Variants in ASH1L observed in about 807,000 individuals in gnomAD.
ASH1L encodes the protein histone-lysine N-methyltransferase ASH1L.
ASH1L carries 23 observed loss-of-function variants against 269.0 expected under a neutral mutation model. That is an observed-to-expected ratio of 0.09 (90% CI 0.06 to 0.12). The LOEUF (loss-of-function observed/expected upper bound fraction) is 0.12. ASH1L is among the 10% of genes least tolerant of loss of function. The probability of loss-of-function intolerance (pLI) is 1.00; values close to 1 mark genes in which losing one functional copy is unlikely to be tolerated. For synonymous variants in ASH1L, 1,187 were observed against 1,253.5 expected, an observed-to-expected ratio of 0.95 and a Z score of 1.12; for missense variants, 2,912 against 3,567.8, an observed-to-expected ratio of 0.82 and a Z score of 4.68.
At chr1:155,488,592 C>G (rs1359804244) in intron 2 of ASH1L, among the ~76,000 whole-genome samples, 1 of 143,882 alleles carries the variant, frequency 7.0e-6, no homozygotes, top group African/African-American at 2.6e-5. Flanking sequence ...TCACTTGAAC[C>G]CAGGAGGCGG....
At position 155,394,988 on chromosome 1, in the gene ASH1L, T is replaced by G. The variant is rs931888990; in HGVS notation, c.6103+471A>C. Among the ~76,000 whole-genome samples, 3 of 152,126 alleles carry G rather than the reference T, an allele frequency of 2.0e-5. No homozygotes were observed. The East Asian group carries it at 5.8e-4, about 29-fold the overall frequency. On this transcript the variant is annotated intron_variant, in intron 7 of 27. Transcript: ENST00000392403. ...TTCTCTCTGTCAACTCAGGCTAGAG[T>G]GCAGTGGAAGGATCATGACTACACC...
At chr1:155,462,419 T>C (rs2148679125) in intron 3 of ASH1L, among the ~76,000 whole-genome samples, 2 of 152,334 alleles carry the variant, frequency 1.3e-5, no homozygotes, top group South Asian at 4.1e-4. Context: ...ATAATCAGGA[T>C]ATCCTGAGAA....
At chr1:155,373,160 C>T in intron 10 of ASH1L, among the ~76,000 whole-genome samples, 1 of 151,036 alleles carries the variant, frequency 6.6e-6, no homozygotes, top group East Asian at 1.9e-4. Context: ...TTGCCGTGAG[C>T]TGAGATTGCA....
At chr1:155,375,252 A>G (rs5005770) in intron 10 of ASH1L, among the ~76,000 whole-genome samples, 39,699 of 152,152 alleles carry the variant, frequency 0.26, 5,961 homozygotes, top group East Asian at 0.72. Context: ...GGGAACAATC[A>G]TTCAGAGGTT....
chr1:155,418,361 T>C (rs1660385400), intron 5 of ASH1L, among the ~76,000 whole-genome samples: 1 of 151,988 alleles, frequency 6.6e-6, no homozygotes, highest in Non-Finnish European at 1.5e-5. Flanking sequence ...ATACGAAATC[T>C]GAAATGAAAA....
Position 155,352,711 on chromosome 1 carries a change from T to G in ASH1L, c.7361A>C (p.Tyr2454Ser). The G allele has an allele frequency of 6.2e-7, 1 of 1,601,248 alleles. No homozygotes were observed. The highest frequency in any genetic ancestry group is 1.1e-5 in the South Asian group (1 of 88,318). Residue 2454 changes from tyrosine to serine, a missense_variant, in exon 17 of 28, where the codon TAT (tyrosine) becomes TCT (serine). Physicochemically the swap from Tyr to Ser is moderately radical, Grantham distance 144. Coordinates refer to ENST00000392403, the MANE Select transcript of ASH1L (RefSeq NM_018489.3). ...FKEICDGIIS[Y>S]KDSSRQALAA... ...TTGAAGGTGGTTATAGTCACCTTTATAAGAGATGATACCATCACAAATTTC... is the reference window on the plus strand; with the variant it reads ...TTGAAGGTGGTTATAGTCACCTTTAGAAGAGATGATACCATCACAAATTTC...
intron 2 of ASH1L, among the ~76,000 whole-genome samples, chr1:155,490,633 C>CACACACACACAA (rs1666704225): frequency 6.6e-6 from 1 of 150,516 alleles, no homozygotes; most frequent in African/African-American, 2.5e-5. Flanking sequence ...CACACACACA[C>CACACACACACAA]ACACACACAC....
At chr1:155,395,642 G>A (rs1658279949) in intron 6 of ASH1L, 89 bp from the exon 7 acceptor site, 1 of 837,764 alleles carries the variant, frequency 1.2e-6, no homozygotes, top group East Asian at 2.7e-5. Flanking sequence ...CCTATGAGGA[G>A]AGGGTACCAA....
At chr1:155,487,422 G>A (rs1666401967) in intron 2 of ASH1L, among the ~76,000 whole-genome samples, 1 of 152,070 alleles carries the variant, frequency 6.6e-6, no homozygotes, top group Non-Finnish European at 1.5e-5. Flanking sequence ...CTGTGGCCCA[G>A]GCTGGAGTGC....
chr1:155,386,155 C>T (rs2148460199), intron 7 of ASH1L, among the ~76,000 whole-genome samples: 1 of 151,600 alleles, frequency 6.6e-6, no homozygotes, highest in African/African-American at 2.4e-5. Flanking sequence ...GCAACCTGTG[C>T]CTCCTGAGTT....
At chr1:155,357,132 TTAAAAAAAA>T (rs1261840957) in intron 15 of ASH1L, among the ~76,000 whole-genome samples, 175 bp downstream of exon 15, 2 of 6,648 alleles carry the variant, frequency 3.0e-4, no homozygotes, top group South Asian at 0.014. Flanking sequence ...AGGGTAAGAC[TTAAAAAAAA>T]AAAAAAAAAA....
chr1:155,405,813 G>C lies in ASH1L; in HGVS notation c.6008+9931C>G, dbSNP rs115528918. On this transcript the variant is annotated intron_variant, in intron 6 of 27. Transcript: ENST00000392403. The stretch of plus-strand genomic sequence containing the variant: ...CCACTGCACTCCAGTCTGGGTGAGA[G>C]AGCGATTCTCTGTGTCAAAAAAAAA... 6.1e-3 allele frequency among the ~76,000 whole-genome samples: 890 copies of C among 146,752 alleles called. 9 individuals are homozygous for C. Among genetic ancestry groups the C allele is most frequent in the African/African-American group, 0.022 (868 of 39,258 alleles).
In ASH1L at chr1:155,562,071, G is replaced by T; in HGVS notation, c.-100+82C>A. The T allele has an allele frequency of 3.2e-6, 3 of 945,308 alleles. No individual in the cohort carries two copies. The South Asian group carries it at 4.8e-5, about 15-fold the overall frequency. 58.6% of individuals were successfully genotyped at this position (945,308 alleles called of 1,614,324 possible). ...TCTCAGAGATCCAGGTCCGGGAGAT[G>T]ACAGTGGCTCCCAGAAAGCCCAGGA... On this transcript the variant is annotated intron_variant, in intron 1 of 27. Transcript: ENST00000392403.
Position 155,357,385 on chromosome 1 carries a change from C to G in ASH1L, c.6986G>C (p.Ser2329Thr), listed in dbSNP as rs762424922. 1.1e-5 allele frequency: 17 copies of G among 1,613,736 alleles called. No homozygotes were observed. Among genetic ancestry groups the G allele is most frequent in the Non-Finnish European group, 1.4e-5 (16 of 1,179,930 alleles). Residue 2329 changes from serine (S) to threonine (T), a missense_variant, in exon 15 of 28, where the codon AGT becomes ACT. By Grantham distance (58) the Ser-to-Thr change is moderately conservative. Transcript: ENST00000392403. ...KRRGHLSEEP[S>T]ENINTPTRLT... ...TCTAGTTGGGGTGTTGATATTTTCA[C>G]TGGGTTCCTCAGAGAGATGGCCTCT...
In ASH1L at chr1:155,521,583, A is replaced by G; in HGVS notation, c.-64T>C. The G allele has an allele frequency of 1.4e-6, 2 of 1,472,852 alleles. No individual in the cohort carries two copies. The highest frequency in any genetic ancestry group is 1.8e-6 in the Non-Finnish European group (2 of 1,094,804). 91.2% of individuals were successfully genotyped at this position (1,472,852 alleles called of 1,614,324 possible). On this transcript the variant is annotated 5_prime_UTR_variant, in exon 2 of 28. Coordinates refer to ENST00000392403, the MANE Select transcript of ASH1L (RefSeq NM_018489.3). ...TTTACAGAACTGTGTTCCATAAAAAACAAGGATCTCCAAAACTCGAAACCA... is the reference window on the plus strand; with the variant it reads ...TTTACAGAACTGTGTTCCATAAAAAGCAAGGATCTCCAAAACTCGAAACCA...
intron 4 of ASH1L, among the ~76,000 whole-genome samples, chr1:155,454,811 A>G (rs1033505872): frequency 1.3e-5 from 2 of 152,124 alleles, no homozygotes; most frequent in African/African-American, 4.8e-5. Context: ...TAAAATCACT[A>G]GCATATTTTA....
In ASH1L at chr1:155,438,609, C is replaced by T; in HGVS notation, c.5546G>A (p.Arg1849Lys). 1 of 1,614,182 alleles carries T rather than the reference C, an allele frequency of 6.2e-7. No homozygotes were observed. The highest frequency in any genetic ancestry group is 8.5e-7 in the Non-Finnish European group (1 of 1,180,038). Residue 1849 changes from arginine to lysine, a missense_variant, in exon 5 of 28, where the codon AGG becomes AAG. Transcript: ENST00000392403. ...ARTGNNFVKR[R>K]PGRPRKCPLQ... Reference sequence around the variant, plus strand: ...GGGACATTTCCGAGGTCGACCTGGCCTACGTTTCACAAAGTTATTCCCTGT... The same window carrying T: ...GGGACATTTCCGAGGTCGACCTGGCTTACGTTTCACAAAGTTATTCCCTGT...
intron 5 of ASH1L, chr1:155,433,553 G>C (rs1558099122): frequency 1.2e-6 from 2 of 1,610,722 alleles, no homozygotes; most frequent in Admixed American, 1.7e-5. Context: ...CGTGAAACTG[G>C]AGAAGGAGAA....
At chr1:155,450,721 C>T (rs1357668481) in intron 4 of ASH1L, among the ~76,000 whole-genome samples, 1 of 152,196 alleles carries the variant, frequency 6.6e-6, no homozygotes. Context: ...GAACTGAAAG[C>T]AGGGTCTGGA....
Sources: gnomAD v4.1 joint callset for allele counts (sites outside exome capture counted in the v4.1 genomes callset) on GRCh38, gnomAD v4.1.1 for gene constraint, MANE v1.5 for transcripts, NCBI Gene and HGNC (gene_info 2026-07-23, HGNC 2026-07-21) for gene names.